CDKL3: variants seen among roughly 807,000 people sequenced by gnomAD.
CDKL3 encodes the protein cyclin-dependent kinase-like 3.
Under a neutral mutation model 69.3 loss-of-function variants are expected in CDKL3, and 65 were observed. The ratio of observed to expected loss-of-function variants is 0.94; its 90% confidence interval spans 0.77 to 1.15. CDKL3 has a LOEUF of 1.15. Ranked by LOEUF, CDKL3 falls within the 50% of genes most tolerant of loss-of-function variation. The pLI, the probability that CDKL3 is intolerant of heterozygous loss-of-function variation, is 0.00. For missense variants in CDKL3, 652 were observed against 689.2 expected (o/e 0.95, Z 0.61); for synonymous variants, 202 against 221.6 (o/e 0.91, Z 0.79).
chr5:134,332,315 A>G (rs1203324423), intron 4 of CDKL3, among the ~76,000 whole-genome samples: 1 of 152,144 alleles, frequency 6.6e-6, no homozygotes, highest in Non-Finnish European at 1.5e-5. Flanking sequence ...TCATTTGTCT[A>G]TTTTGGCTTT....
chr5:134,371,348 T>C, upstream of CDKL3: 1 of 602,848 alleles, frequency 1.7e-6, no homozygotes, highest in African/African-American at 1.9e-5. Flanking sequence ...GCTGAAGGGC[T>C]CGGGGAAGGC....
chr5:134,297,810 G>A (rs535903341), downstream of CDKL3, among the ~76,000 whole-genome samples: 59 of 151,364 alleles, frequency 3.9e-4, no homozygotes, highest in Non-Finnish European at 7.1e-4. Flanking sequence ...TCAAACTCCC[G>A]ACCTCAGGTG....
chr5:134,359,942 G>T lies in CDKL3; in HGVS notation c.315C>A (p.Tyr105Ter). ...CAATTGCTCGAAGGATCTGGAAGAG[G>T]TATTTTCTAAGTCGCTTACTCTCTA... ...HGLESKRLRK[Y>*]LFQILRAIDY... Residue 105 changes from tyrosine (Y) to a stop codon, truncating the protein, a stop_gained, in exon 3 of 13, where the codon TAC (tyrosine) becomes TAA (stop). Transcript: ENST00000265334. LOFTEE classifies it high-confidence loss of function. 2 of 1,588,098 alleles carry T rather than the reference G, an allele frequency of 1.3e-6. No homozygotes were observed. The highest frequency in any genetic ancestry group is 1.7e-6 in the Non-Finnish European group (2 of 1,166,262).
intron 4 of CDKL3, among the ~76,000 whole-genome samples, chr5:134,323,511 G>T (rs1773340087): frequency 6.6e-6 from 1 of 152,120 alleles, no homozygotes; most frequent in Non-Finnish European, 1.5e-5. Flanking sequence ...ATTGGTGAAA[G>T]AATAGATAAA....
intron 3 of CDKL3, among the ~76,000 whole-genome samples, chr5:134,351,717 T>C (rs145324379): frequency 0.013 from 2,016 of 152,200 alleles, 49 homozygotes; most frequent in African/African-American, 0.046. Context: ...ACCTCAGCCT[T>C]CCAAAGTGCT....
chr5:134,308,100 T>C, intron 9 of CDKL3, 38 bp downstream of exon 9: 3 of 1,556,996 alleles, frequency 1.9e-6, no homozygotes, highest in Non-Finnish European at 1.7e-6. Flanking sequence ...TATACAGGAA[T>C]GTTGTATTAT....
chr5:134,358,964 G>A (rs998869630), intron 3 of CDKL3, among the ~76,000 whole-genome samples: 22 of 152,078 alleles, frequency 1.4e-4, no homozygotes, highest in African/African-American at 5.3e-4. Context: ...CAGTTTAAAT[G>A]CTTTATACCT....
At chr5:134,364,965 C>A (rs1438991150) in intron 2 of CDKL3, among the ~76,000 whole-genome samples, 1 of 151,156 alleles carries the variant, frequency 6.6e-6, no homozygotes, top group Non-Finnish European at 1.5e-5. Flanking sequence ...CGACACTATG[C>A]CTGGCTAATT....
At chr5:134,292,620 AAAAC>A (rs370215870) in intron 8 of CDKL3, among the ~76,000 whole-genome samples, 236 of 152,188 alleles carry the variant, frequency 1.6e-3, no homozygotes, top group Non-Finnish European at 2.0e-3. Flanking sequence ...AATAAAATAG[AAAAC>A]AAACAATAGA....
chr5:134,371,272 C>G (rs1261009621), upstream of CDKL3: 11 of 458,676 alleles, frequency 2.4e-5, no homozygotes, highest in East Asian at 1.3e-4. Flanking sequence ...TCCACAACCT[C>G]TAGTCTGAAC....
chr5:134,352,091 C>T lies in CDKL3; in HGVS notation c.361-1664G>A, dbSNP rs573088086. ...GTAACTACCATTCTACTCTCTACTT[C>T]TATGAGTTGCACTTTTATAGATTCT... On this transcript the variant is annotated intron_variant, in intron 3 of 12. Transcript: ENST00000265334. Among the ~76,000 whole-genome samples the T allele has an allele frequency of 5.9e-5, 9 of 152,232 alleles. No individual in the cohort carries two copies. The East Asian group carries it at 1.4e-3, about 23-fold the overall frequency.
chr5:134,326,862 T>C (rs1385888115), intron 4 of CDKL3, among the ~76,000 whole-genome samples: 8 of 98,606 alleles, frequency 8.1e-5, no homozygotes, highest in African/African-American at 5.0e-4. Flanking sequence ...TATATATATA[T>C]ATATACACAC....
intron 4 of CDKL3, among the ~76,000 whole-genome samples, chr5:134,327,136 G>C (rs1042385604): frequency 2.0e-5 from 3 of 151,956 alleles, no homozygotes; most frequent in Non-Finnish European, 2.9e-5. Context: ...TGTTGCTGAG[G>C]CTAAGTTCTG....
intron 4 of CDKL3, among the ~76,000 whole-genome samples, chr5:134,349,222 T>A (rs1233567633): frequency 3.9e-5 from 6 of 152,196 alleles, no homozygotes; most frequent in Admixed American, 3.9e-4. Flanking sequence ...TACATATTAT[T>A]ATAATAACAC....
At chr5:134,307,816 C>A (rs1437107935) in intron 9 of CDKL3, among the ~76,000 whole-genome samples, 2 of 151,954 alleles carry the variant, frequency 1.3e-5, no homozygotes, top group Admixed American at 1.3e-4. Flanking sequence ...TTTGTTATAC[C>A]AAGGCACATT....
intron 8 of CDKL3, among the ~76,000 whole-genome samples, chr5:134,291,275 G>A (rs1765113474): frequency 6.6e-6 from 1 of 152,158 alleles, no homozygotes. Context: ...TGGAGTTTGT[G>A]GGTGAAGTCC....
intron 4 of CDKL3, among the ~76,000 whole-genome samples, chr5:134,327,089 T>C (rs1022265720): frequency 6.6e-6 from 1 of 151,286 alleles, no homozygotes; most frequent in African/African-American, 2.4e-5. Context: ...CCAGGAGGAG[T>C]GGAACTTCAC....
At chr5:134,342,140 A>G (rs1750649524) in intron 4 of CDKL3, among the ~76,000 whole-genome samples, 1 of 152,202 alleles carries the variant, frequency 6.6e-6, no homozygotes, top group Non-Finnish European at 1.5e-5. Context: ...ATATGAACTC[A>G]ATATACAAAA....
chr5:134,321,743 C>A (rs754591866), intron 5 of CDKL3, 48 bp downstream of exon 5: 2 of 977,636 alleles, frequency 2.0e-6, no homozygotes, highest in South Asian at 2.9e-5. Context: ...ATTGATCTGG[C>A]AATATTTATT....
Sources: gnomAD v4.1 joint callset for allele counts (sites outside exome capture counted in the v4.1 genomes callset) on GRCh38, gnomAD v4.1.1 for gene constraint, MANE v1.5 for transcripts, NCBI Gene and HGNC (gene_info 2026-07-23, HGNC 2026-07-21) for gene names.